The following RNF216 variants were observed in gnomAD, a reference collection of about 807,000 sequenced individuals.
RNF216 encodes E3 ubiquitin-protein ligase RNF216.
Under a neutral mutation model 110.8 loss-of-function variants are expected in RNF216, and 72 were observed. The observed-to-expected ratio is 0.65, with a 90% CI of 0.54 to 0.79. The LOEUF (loss-of-function observed/expected upper bound fraction) is 0.79. RNF216 is among the 30% of genes least tolerant of loss of function. The pLI is 0.00. For synonymous variants in RNF216, 495 were observed against 407.5 expected, an observed-to-expected ratio of 1.21 and a Z score of -2.59; for missense variants, 1,342 against 1,141.2, an observed-to-expected ratio of 1.18 and a Z score of -2.54.
At chr7:5,660,951 T>TTTTTTTTTTTTTTG (rs1789090745) in intron 13 of RNF216, among the ~76,000 whole-genome samples, 1 of 143,702 alleles carries the variant, frequency 7.0e-6, no homozygotes, top group Non-Finnish European at 1.5e-5. Flanking sequence ...AGGTTTTTTT[T>TTTTTTTTTTTTTTG]TTTTTTTTTT....
chr7:5,772,725 A>T (rs561237589), intron 1 of RNF216, among the ~76,000 whole-genome samples: 3 of 152,270 alleles, frequency 2.0e-5, no homozygotes, highest in African/African-American at 4.8e-5. Flanking sequence ...CCAGGTTAGC[A>T]AAGTTTTACA....
chr7:5,767,238 C>G (rs777856851), intron 1 of RNF216, among the ~76,000 whole-genome samples: 1 of 152,170 alleles, frequency 6.6e-6, no homozygotes, highest in Non-Finnish European at 1.5e-5. Context: ...GGGCTCTGAT[C>G]CATGAAAAAT....
At chr7:5,625,127 G>A (rs1177346165) in intron 15 of RNF216, among the ~76,000 whole-genome samples, 1 of 152,246 alleles carries the variant, frequency 6.6e-6, no homozygotes, top group African/African-American at 2.4e-5. Context: ...CGAGGGGGCT[G>A]AGGCTCACAA....
chr7:5,740,104 CTTTTTTTTTTTTTT>C (rs71004698), intron 4 of RNF216, among the ~76,000 whole-genome samples: 5 of 118,500 alleles, frequency 4.2e-5, no homozygotes, highest in Non-Finnish European at 7.0e-5. Flanking sequence ...GATGTAACAC[CTTTTTTTTTTTTTT>C]TTTTTTTTTT....
At chr7:5,632,450 G>A (rs561959610) in intron 15 of RNF216, among the ~76,000 whole-genome samples, 1 of 152,350 alleles carries the variant, frequency 6.6e-6, no homozygotes, top group Non-Finnish European at 1.5e-5. Context: ...GCTGAGGTGA[G>A]AGGGAGTGGA....
chr7:5,631,311 G>T (rs1189927050), intron 15 of RNF216, among the ~76,000 whole-genome samples: 1 of 152,156 alleles, frequency 6.6e-6, no homozygotes, highest in Non-Finnish European at 1.5e-5. Context: ...TTGTCCTTTG[G>T]GATGAAAGCC....
At chr7:5,684,677 A>G (rs1010910809) in intron 13 of RNF216, among the ~76,000 whole-genome samples, 2 of 152,142 alleles carry the variant, frequency 1.3e-5, no homozygotes, top group African/African-American at 4.8e-5. Flanking sequence ...GAGAAAAAGG[A>G]ACTTGACTGA....
chr7:5,767,093 C>G (rs1215483463), intron 1 of RNF216, among the ~76,000 whole-genome samples: 6 of 152,218 alleles, frequency 3.9e-5, no homozygotes, highest in African/African-American at 1.4e-4. Flanking sequence ...GACTTTGGCT[C>G]TGGCCATGAC....
intron 15 of RNF216, among the ~76,000 whole-genome samples, chr7:5,630,779 C>T (rs1319733812): frequency 6.6e-6 from 1 of 152,230 alleles, no homozygotes; most frequent in Non-Finnish European, 1.5e-5. Context: ...CCCCTGTCTA[C>T]ACACCTCACA....
intron 3 of RNF216, among the ~76,000 whole-genome samples, chr7:5,752,366 C>T (rs1328893890): frequency 1.3e-5 from 2 of 152,084 alleles, no homozygotes; most frequent in Middle Eastern, 3.4e-3. Context: ...AAAATTTGTT[C>T]TTGGTTAGAA....
intron 1 of RNF216, among the ~76,000 whole-genome samples, chr7:5,776,856 G>A (rs192292147): frequency 2.2e-5 from 3 of 134,196 alleles, no homozygotes; most frequent in Admixed American, 8.7e-5. Flanking sequence ...AGCTGATATT[G>A]TGCCACTGCA....
chr7:5,721,948 A>G (rs1793452768), intron 8 of RNF216, among the ~76,000 whole-genome samples: 1 of 152,216 alleles, frequency 6.6e-6, no homozygotes, highest in Admixed American at 6.5e-5. Flanking sequence ...TTGGAGACAG[A>G]GCCTTGCTCT....
chr7:5,740,173 C>A (rs375639283), intron 4 of RNF216, among the ~76,000 whole-genome samples: 1 of 135,608 alleles, frequency 7.4e-6, no homozygotes, highest in Non-Finnish European at 1.5e-5. Flanking sequence ...GTCGCCCAGG[C>A]TGGAGTGCAG....
chr7:5,628,457 GTTTT>G (rs555295636), intron 15 of RNF216, among the ~76,000 whole-genome samples: 2 of 151,954 alleles, frequency 1.3e-5, no homozygotes, highest in African/African-American at 2.4e-5. Context: ...CAACTTAAAA[GTTTT>G]TTTTCTTTTT....
At chr7:5,762,009 C>G (rs542945117) in intron 1 of RNF216, among the ~76,000 whole-genome samples, 78 of 152,142 alleles carry the variant, frequency 5.1e-4, no homozygotes, top group Middle Eastern at 3.4e-3. Flanking sequence ...TGTGTGTTCT[C>G]CAAGAAATAC....
chr7:5,647,333 T>TTC (rs2128572548), intron 14 of RNF216, among the ~76,000 whole-genome samples: 1 of 105,508 alleles, frequency 9.5e-6, no homozygotes, highest in African/African-American at 6.3e-5. Flanking sequence ...TCTTTCTTTT[T>TTC]TTTTTTTTTT....
chr7:5,691,666 A>G (rs1791348684), intron 13 of RNF216, among the ~76,000 whole-genome samples: 1 of 152,218 alleles, frequency 6.6e-6, no homozygotes, highest in African/African-American at 2.4e-5. Flanking sequence ...AATCAAGTGA[A>G]GTAGAATCTT....
At chr7:5,641,583 G>A (rs1787736468) in intron 14 of RNF216, among the ~76,000 whole-genome samples, 1 of 152,126 alleles carries the variant, frequency 6.6e-6, no homozygotes, top group African/African-American at 2.4e-5. Flanking sequence ...CACCTGCCTG[G>A]AGACTCAGTT....
At chr7:5,692,976 C>G (rs1441935900) in intron 13 of RNF216, among the ~76,000 whole-genome samples, 1 of 152,174 alleles carries the variant, frequency 6.6e-6, no homozygotes, top group Non-Finnish European at 1.5e-5. Flanking sequence ...GCATCTCTTC[C>G]TCCTCCCATT....
Sources: allele counts gnomAD v4.1 joint callset (sites outside exome capture counted in the v4.1 genomes callset), GRCh38; gene constraint gnomAD v4.1.1; transcripts MANE v1.5; gene names NCBI Gene and HGNC (gene_info 2026-07-23, HGNC 2026-07-21).